Variants in FRMD5 observed in about 807,000 individuals in gnomAD.
FRMD5 encodes the protein FERM domain containing 5.
In FRMD5, 20 loss-of-function variants were observed where a neutral mutation model predicts 69.0. The observed-to-expected ratio is 0.29, with a 90% CI of 0.20 to 0.42. The LOEUF is 0.42. FRMD5 is among the 10% of genes least tolerant of loss of function. The pLI is 1.00. For missense variants in FRMD5, 595 were observed against 708.6 expected (o/e 0.84, Z 1.82); for synonymous variants, 271 against 260.1 (o/e 1.04, Z -0.40).
intron 1 of FRMD5, among the ~76,000 whole-genome samples, chr15:43,999,921 A>ATG (rs1242256522): frequency 0.028 from 220 of 7,998 alleles, 6 homozygotes; most frequent in South Asian, 0.22. Context: ...GTGTGTGTGT[A>ATG]TGTATATATA....
At chr15:43,882,714 C>T (rs527458743) in intron 13 of FRMD5, among the ~76,000 whole-genome samples, 112 of 152,168 alleles carry the variant, frequency 7.4e-4, no homozygotes, top group Middle Eastern at 3.4e-3. Flanking sequence ...AGAAATGCTT[C>T]GGAACCAAGA....
At position 43,870,892 on chromosome 15, in the gene FRMD5, G is replaced by T. The variant is rs993276366; in HGVS notation, c.*2993C>A. The T allele has an allele frequency of 1.2e-4, 19 of 152,114 alleles. No individual in the cohort carries two copies. The highest frequency in any genetic ancestry group is 4.6e-4 in the African/African-American group (19 of 41,422). 9.4% of individuals were successfully genotyped at this position (152,114 alleles called of 1,614,324 possible). A position where few individuals can be genotyped will look rare whatever the true frequency, so the allele number is the denominator to read the frequency against. On this transcript the variant is annotated 3_prime_UTR_variant, in exon 14 of 14. Transcript: ENST00000417257. ...GGAAAATGTAACTTAAGAGTTTTTGGCACACAGAAGGTTAACAACTATATA... is the reference window on the plus strand; with the variant it reads ...GGAAAATGTAACTTAAGAGTTTTTGTCACACAGAAGGTTAACAACTATATA...
intron 1 of FRMD5, among the ~76,000 whole-genome samples, chr15:44,114,753 T>A (rs1444082903): frequency 6.6e-6 from 1 of 152,230 alleles, no homozygotes; most frequent in African/African-American, 2.4e-5. Context: ...TATTTCATAA[T>A]ACTTTAAAAT....
At chr15:44,027,276 G>A (rs868532003) in intron 1 of FRMD5, among the ~76,000 whole-genome samples, 14 of 151,976 alleles carry the variant, frequency 9.2e-5, no homozygotes, top group African/African-American at 1.9e-4. Context: ...TTTCCATAAC[G>A]ATGGTCACTT....
chr15:43,915,018 C>T (rs1301492886), intron 4 of FRMD5, among the ~76,000 whole-genome samples: 5 of 152,178 alleles, frequency 3.3e-5, no homozygotes, highest in African/African-American at 4.8e-5. Flanking sequence ...TGAGCCACTG[C>T]GCCCAGCCTG....
intron 1 of FRMD5, among the ~76,000 whole-genome samples, chr15:44,048,645 T>C (rs1324114549): frequency 6.6e-6 from 1 of 152,114 alleles, no homozygotes. Flanking sequence ...TGATCTCGTC[T>C]CACGGCAACC....
At chr15:43,961,314 G>A (rs537868683) in intron 1 of FRMD5, among the ~76,000 whole-genome samples, 1 of 151,972 alleles carries the variant, frequency 6.6e-6, no homozygotes, top group East Asian at 1.9e-4. Context: ...AAGAAATGGA[G>A]AAATTCCTCG....
intron 1 of FRMD5, among the ~76,000 whole-genome samples, chr15:43,979,345 A>C (rs2090513580): frequency 1.3e-5 from 2 of 151,960 alleles, no homozygotes; most frequent in Non-Finnish European, 2.9e-5. Context: ...CAAAAAAAAA[A>C]AAAAAGGGTT....
At chr15:44,064,494 CAGG>C (rs971933098) in intron 1 of FRMD5, among the ~76,000 whole-genome samples, 5 of 152,088 alleles carry the variant, frequency 3.3e-5, no homozygotes, top group African/African-American at 9.7e-5. Context: ...GAGGCTGAGG[CAGG>C]AGAATTGCTT....
At chr15:44,049,396 T>G (rs1330476935) in intron 1 of FRMD5, among the ~76,000 whole-genome samples, 2 of 152,130 alleles carry the variant, frequency 1.3e-5, no homozygotes, top group East Asian at 3.8e-4. Flanking sequence ...GTGGGCTCCT[T>G]AAAAAACAGA....
intron 1 of FRMD5, among the ~76,000 whole-genome samples, chr15:44,037,529 G>A (rs1323494450): frequency 6.1e-5 from 9 of 148,694 alleles, no homozygotes; most frequent in African/African-American, 1.2e-4. Flanking sequence ...GTGCAGTGGC[G>A]CAATCTCAGC....
chr15:44,027,791 C>T (rs1046528348), intron 1 of FRMD5, among the ~76,000 whole-genome samples: 3 of 151,946 alleles, frequency 2.0e-5, no homozygotes, highest in South Asian at 2.1e-4. Context: ...ACTACACGTG[C>T]GTGCCAACAC....
chr15:44,108,066 T>C (rs2076744597), intron 1 of FRMD5, among the ~76,000 whole-genome samples: 1 of 152,204 alleles, frequency 6.6e-6, no homozygotes, highest in Admixed American at 6.5e-5. Flanking sequence ...CCTCATACAG[T>C]TTTTGTATAG....
At chr15:44,017,273 G>A (rs1372830343) in intron 1 of FRMD5, among the ~76,000 whole-genome samples, 2 of 151,902 alleles carry the variant, frequency 1.3e-5, no homozygotes, top group Non-Finnish European at 2.9e-5. Flanking sequence ...GGGAGGTGGA[G>A]GTTGTAGTGA....
intron 1 of FRMD5, among the ~76,000 whole-genome samples, chr15:44,070,049 T>C (rs1893471995): frequency 6.6e-6 from 1 of 152,208 alleles, no homozygotes; most frequent in East Asian, 1.9e-4. Flanking sequence ...CAAATGGTAA[T>C]TTAATATTAC....
chr15:44,152,490 C>T (rs2077462154), intron 1 of FRMD5, among the ~76,000 whole-genome samples: 1 of 152,168 alleles, frequency 6.6e-6, no homozygotes, highest in Admixed American at 6.5e-5. Context: ...CTCATACAAG[C>T]CTTGCAGAAT....
rs1332200078 is a variant in FRMD5, at chr15:43,910,874, A to AT, written c.330-896dup. Among the ~76,000 whole-genome samples, 16 of 152,290 alleles carry AT rather than the reference A, an allele frequency of 1.1e-4. 1 individual carries two copies. The South Asian group carries it at 3.3e-3, about 32-fold the overall frequency. ...AGATAGAGAAGCTGAGGCTTTAGTG[A>AT]TTTTCTCATGGACGTACAACTAAGT... On this transcript the variant is annotated intron_variant, in intron 4 of 13. Transcript: ENST00000417257.
intron 1 of FRMD5, among the ~76,000 whole-genome samples, chr15:44,070,850 A>G (rs1048633142): frequency 2.6e-5 from 4 of 152,204 alleles, no homozygotes; most frequent in African/African-American, 9.6e-5. Context: ...ATGGCTAGAA[A>G]GTTGTTCCTT....
At chr15:44,007,719 C>T (rs973516119) in intron 1 of FRMD5, among the ~76,000 whole-genome samples, 11 of 134,350 alleles carry the variant, frequency 8.2e-5, no homozygotes, top group Non-Finnish European at 1.4e-4. Context: ...GATCTTGGCT[C>T]ACCGCAACCT....
Sources: gnomAD v4.1 joint callset for allele counts (sites outside exome capture counted in the v4.1 genomes callset) on GRCh38, gnomAD v4.1.1 for gene constraint, MANE v1.5 for transcripts, NCBI Gene and HGNC (gene_info 2026-07-23, HGNC 2026-07-21) for gene names.